Variants in HMG20A observed in about 807,000 individuals in gnomAD.
HMG20A encodes high mobility group 20A.
In HMG20A, 17 loss-of-function variants were observed where a neutral mutation model predicts 43.9. That is an observed-to-expected ratio of 0.39 (90% CI 0.27 to 0.58). The LOEUF (loss-of-function observed/expected upper bound fraction) is 0.58, where lower values mean the gene tolerates loss of function less well. HMG20A is among the 20% of genes least tolerant of loss of function. The pLI, the probability that HMG20A is intolerant of heterozygous loss-of-function variation, is 0.59. For synonymous variants in HMG20A, 132 were observed against 147.5 expected, an observed-to-expected ratio of 0.89 and a Z score of 0.76; for missense variants, 341 against 438.2, an observed-to-expected ratio of 0.78 and a Z score of 1.98.
chr15:77,495,989 G>A, the HMG20A span, among the ~76,000 whole-genome samples: 1 of 152,164 alleles, frequency 6.6e-6, no homozygotes, highest in Non-Finnish European at 1.5e-5. Context: ...CCCACTGGCT[G>A]CTTCTGGCTT....
intron 1 of HMG20A, among the ~76,000 whole-genome samples, chr15:77,448,500 A>G (rs2073699855): frequency 6.6e-6 from 1 of 152,102 alleles, no homozygotes; most frequent in East Asian, 1.9e-4. Flanking sequence ...GCCTCTGTAT[A>G]TAAAATTGCA....
intron 4 of HMG20A, 91 bp downstream of exon 4, chr15:77,467,398 T>C: frequency 9.1e-7 from 1 of 1,103,370 alleles, no homozygotes; most frequent in Non-Finnish European, 1.3e-6. Flanking sequence ...GGACAGTTGA[T>C]TCTGCAGTTT....
the HMG20A span, among the ~76,000 whole-genome samples, chr15:77,498,095 C>T: frequency 6.6e-6 from 1 of 152,128 alleles, no homozygotes; most frequent in East Asian, 1.9e-4. Flanking sequence ...CCCCCAGGCC[C>T]CTCCTCTGCT....
chr15:77,477,720 G>A, intron 7 of HMG20A, 90 bp downstream of exon 7: 6 of 838,532 alleles, frequency 7.2e-6, no homozygotes, highest in Non-Finnish European at 1.2e-5. Context: ...AGCAATGGTA[G>A]TGTTATCCCT....
At chr15:77,446,858 T>C (rs2073680340) in intron 1 of HMG20A, among the ~76,000 whole-genome samples, 1 of 152,024 alleles carries the variant, frequency 6.6e-6, no homozygotes, top group Admixed American at 6.5e-5. Context: ...ACAAGAACAT[T>C]AACTTTTTGT....
chr15:77,426,614 T>C (rs2073430538), intron 1 of HMG20A, among the ~76,000 whole-genome samples: 1 of 152,112 alleles, frequency 6.6e-6, no homozygotes, highest in African/African-American at 2.4e-5. Context: ...AATCAGCATA[T>C]AAGTAGACTC....
At position 77,485,393 on chromosome 15, in the gene HMG20A, TAA is replaced by T. The variant is rs2072939190; in HGVS notation, c.*2433_*2434del. ...ACAGATTTCTTTGTTTCTTTTTAATTAAAATACAAGAAGCAGCTGAGGAAAGG... is the reference window on the plus strand; with the variant it reads ...ACAGATTTCTTTGTTTCTTTTTAATTAATACAAGAAGCAGCTGAGGAAAGG... On this transcript the variant is annotated 3_prime_UTR_variant, in exon 10 of 10. Transcript: ENST00000336216. 6.5e-6 allele frequency: 1 copy of T among 152,692 alleles called. No homozygotes were observed. Among genetic ancestry groups the T allele is most frequent in the Non-Finnish European group, 1.5e-5 (1 of 68,044 alleles). 9.5% of individuals were successfully genotyped at this position (152,692 alleles called of 1,614,324 possible). A position where few individuals can be genotyped will look rare whatever the true frequency, so the allele number is the denominator to read the frequency against.
the HMG20A span, among the ~76,000 whole-genome samples, chr15:77,492,831 A>AT: frequency 1.8e-3 from 271 of 151,688 alleles, no homozygotes; most frequent in African/African-American, 5.6e-3. Context: ...AAATAAATAA[A>AT]GAAGAGGAAG....
chr15:77,475,159 C>G (rs574174959), intron 6 of HMG20A, among the ~76,000 whole-genome samples: 2 of 152,160 alleles, frequency 1.3e-5, no homozygotes, highest in Non-Finnish European at 2.9e-5. Flanking sequence ...ATCCTTTGAG[C>G]TATCCTTGGA....
At chr15:77,466,507 T>C (rs75755421) in intron 3 of HMG20A, among the ~76,000 whole-genome samples, 4,846 of 152,328 alleles carry the variant, frequency 0.032, 257 homozygotes, top group African/African-American at 0.11. Context: ...ATTTAGTATC[T>C]ATCTGCTATG....
intron 9 of HMG20A, among the ~76,000 whole-genome samples, chr15:77,481,235 T>G (rs932690391): frequency 6.6e-6 from 1 of 152,216 alleles, no homozygotes; most frequent in African/African-American, 2.4e-5. Context: ...ATTACTATCC[T>G]TCTAGGGAGT....
At chr15:77,480,257 AC>A (rs2072894060) in intron 9 of HMG20A, among the ~76,000 whole-genome samples, 2 of 152,142 alleles carry the variant, frequency 1.3e-5, no homozygotes, top group South Asian at 4.1e-4. Context: ...TTATCAGACC[AC>A]TGCATGCCAG....
chr15:77,424,994 T>C (rs1217321139), intron 1 of HMG20A, among the ~76,000 whole-genome samples: 1 of 151,958 alleles, frequency 6.6e-6, no homozygotes, highest in Non-Finnish European at 1.5e-5. Context: ...GCATTAATAT[T>C]TTTTTTTGCT....
Position 77,467,092 on chromosome 15 carries a change from T to C in HMG20A, c.238-3T>C, listed in dbSNP as rs1289321848. On this transcript the variant is annotated splice_polypyrimidine_tract_variant and splice_region_variant and intron_variant, in intron 3 of 9. Coordinates refer to ENST00000336216, the MANE Select transcript of HMG20A (RefSeq NM_001304504.2). Reference sequence around the variant, plus strand: ...TGGTTTTTTATTTTGTTTTGTTTTGTAGCAACGAAGTAAACGAGGAGGTTG... The same window carrying C: ...TGGTTTTTTATTTTGTTTTGTTTTGCAGCAACGAAGTAAACGAGGAGGTTG... 2 of 1,610,536 alleles carry C rather than the reference T, an allele frequency of 1.2e-6. No individual in the cohort carries two copies. Among genetic ancestry groups the C allele is most frequent in the South Asian group, 1.1e-5 (1 of 90,742 alleles).
chr15:77,455,146 T>C (rs1379244226), intron 1 of HMG20A, among the ~76,000 whole-genome samples: 1 of 151,634 alleles, frequency 6.6e-6, no homozygotes, highest in Non-Finnish European at 1.5e-5. Flanking sequence ...GTCCAACACA[T>C]TTGGAATAAC....
In HMG20A at chr15:77,478,501, C is replaced by T. The variant is rs777190101; in HGVS notation, c.898C>T (p.Pro300Ser). The stretch of plus-strand genomic sequence containing the variant: ...GCTGACCAGCAGCTTTGCCAGCATG[C>T]CCTTGCCTGGTAAGTCCTCCTGCCT... ...QVLTSSFASM[P>S]LPGSGETPTV... Residue 300 changes from proline to serine, a missense_variant, in exon 8 of 10, where the codon CCC (proline) becomes TCC (serine). Physicochemically the swap from Pro to Ser is moderately conservative, Grantham distance 74. Transcript: ENST00000336216. 1.2e-6 allele frequency: 2 copies of T among 1,609,506 alleles called. No homozygotes were observed. The highest frequency in any genetic ancestry group is 1.7e-6 in the Non-Finnish European group (2 of 1,179,770).
the HMG20A span, among the ~76,000 whole-genome samples, chr15:77,506,307 G>T: frequency 6.6e-6 from 1 of 152,010 alleles, no homozygotes; most frequent in Admixed American, 6.6e-5. Flanking sequence ...ACGGGGCCTC[G>T]CATTAGGATC....
At chr15:77,445,179 C>T (rs760845039) in intron 1 of HMG20A, among the ~76,000 whole-genome samples, 4 of 152,128 alleles carry the variant, frequency 2.6e-5, no homozygotes, top group Admixed American at 1.3e-4. Flanking sequence ...AGAGGGTAAA[C>T]GATTTAGGAT....
chr15:77,487,251 T>C (rs2072950157), downstream of HMG20A, among the ~76,000 whole-genome samples: 1 of 152,208 alleles, frequency 6.6e-6, no homozygotes, highest in Admixed American at 6.5e-5. Context: ...AATATCATTT[T>C]TGCATGGACG....
Sources: allele counts gnomAD v4.1 joint callset (sites outside exome capture counted in the v4.1 genomes callset), GRCh38; gene constraint gnomAD v4.1.1; transcripts MANE v1.5; gene names NCBI Gene and HGNC (gene_info 2026-07-23, HGNC 2026-07-21).